TSHZ2: variants seen among roughly 807,000 people sequenced by gnomAD.
TSHZ2 encodes the protein teashirt zinc finger homeobox 2.
TSHZ2 carries 21 observed loss-of-function variants against 74.4 expected under a neutral mutation model. That is an observed-to-expected ratio of 0.28 (90% CI 0.20 to 0.41). TSHZ2 has a LOEUF of 0.41. Among genes scored for constraint, TSHZ2 ranks in the 10% least tolerant of loss-of-function variants. TSHZ2 has a pLI of 1.00. For missense variants in TSHZ2, 1,244 were observed against 1,293.5 expected (o/e 0.96, Z 0.59); for synonymous variants, 540 against 515.3 (o/e 1.05, Z -0.65).
intron 2 of TSHZ2, among the ~76,000 whole-genome samples, chr20:53,266,775 T>C (rs1353878881): frequency 1.6e-5 from 1 of 63,484 alleles, no homozygotes; most frequent in Non-Finnish European, 3.1e-5. Context: ...ATCGACGATT[T>C]TTTTTTTTTT....
At chr20:53,035,125 G>A (rs1489570745) in intron 1 of TSHZ2, among the ~76,000 whole-genome samples, 1 of 152,162 alleles carries the variant, frequency 6.6e-6, no homozygotes, top group African/African-American at 2.4e-5. Context: ...GCAGAGAGAA[G>A]GCACCTGGCC....
intron 2 of TSHZ2, among the ~76,000 whole-genome samples, chr20:53,411,521 A>T (rs927733468): frequency 6.1e-5 from 9 of 147,456 alleles, no homozygotes; most frequent in Non-Finnish European, 1.2e-4. Flanking sequence ...TCCTCACCTT[A>T]AAAAAAGTAA....
intron 1 of TSHZ2, among the ~76,000 whole-genome samples, chr20:53,233,576 T>C (rs751945001): frequency 5.3e-5 from 8 of 152,190 alleles, no homozygotes; most frequent in Non-Finnish European, 1.2e-4. Flanking sequence ...GCTTTACAGA[T>C]GAGGAAACTG....
chr20:53,403,086 G>T (rs1982726836), intron 2 of TSHZ2, among the ~76,000 whole-genome samples: 1 of 152,156 alleles, frequency 6.6e-6, no homozygotes, highest in Admixed American at 6.5e-5. Context: ...AGTTCCCAGT[G>T]TCTGTCATTC....
chr20:53,414,455 A>G (rs1340904455), intron 2 of TSHZ2, among the ~76,000 whole-genome samples: 2 of 152,040 alleles, frequency 1.3e-5, no homozygotes, highest in African/African-American at 4.8e-5. Flanking sequence ...CCCCATCTCT[A>G]CCAAAAAATA....
Position 53,256,344 on chromosome 20 carries a change from C to T in TSHZ2, c.2886C>T (p.Asp962=), listed in dbSNP as rs759108869. 10 of 1,613,526 alleles carry T rather than the reference C, an allele frequency of 6.2e-6. No homozygotes were observed. The South Asian group carries it at 1.1e-4, about 18-fold the overall frequency. ...QMKDMTRLSV[D]QQSKVEQEIS... ...AGGACATGACCCGCTTGTCAGTGGA[C>T]CAGCAAAGCAAGGTGGAGCAAGAGA... The change falls in exon 2 of 3, where the codon GAC becomes GAT. Residue 962 remains aspartate (D), a synonymous_variant. Coordinates refer to ENST00000371497, the MANE Select transcript of TSHZ2 (RefSeq NM_173485.6). This position sits in a 1 kb window ranked among gnomAD's most constrained non-coding sequence, Gnocchi z 4.3.
At chr20:53,179,320 C>T (rs372933240) in intron 1 of TSHZ2, 5 of 152,176 alleles carry the variant, frequency 3.3e-5, no homozygotes, top group East Asian at 3.8e-4. Context: ...ATTATCAAAC[C>T]TCTGTATGGG....
intron 1 of TSHZ2, among the ~76,000 whole-genome samples, chr20:53,123,124 C>T (rs916152247): frequency 6.6e-6 from 1 of 152,228 alleles, no homozygotes; most frequent in African/African-American, 2.4e-5. Flanking sequence ...ACCTCTCCAT[C>T]AGCTCTGTGC....
chr20:53,253,584 G>A lies in TSHZ2; in HGVS notation c.126G>A (p.Leu42=). ...EEEDSGSVAQ[L]QGGNDTGTDE... is the part of the protein sequence containing the mutation. The stretch of plus-strand genomic sequence containing the variant: ...AGGACAGCGGTTCAGTAGCTCAACT[G>A]CAGGGTGGCAATGACACAGGGACGG... Residue 42 remains leucine, a synonymous_variant, in exon 2 of 3, where the codon CTG becomes CTA. Coordinates refer to ENST00000371497, the MANE Select transcript of TSHZ2 (RefSeq NM_173485.6). The A allele has an allele frequency of 6.2e-7, 1 of 1,614,068 alleles. No individual in the cohort carries two copies. The highest frequency in any genetic ancestry group is 8.5e-7 in the Non-Finnish European group (1 of 1,179,986).
At chr20:53,124,732 A>G (rs1394205761) in intron 1 of TSHZ2, among the ~76,000 whole-genome samples, 2 of 152,244 alleles carry the variant, frequency 1.3e-5, no homozygotes, top group African/African-American at 2.4e-5. Flanking sequence ...TAAGATGTTG[A>G]TGATGCTACA....
At chr20:53,183,714 C>T (rs1449890292) in intron 1 of TSHZ2, among the ~76,000 whole-genome samples, 2 of 152,146 alleles carry the variant, frequency 1.3e-5, no homozygotes, top group African/African-American at 4.8e-5. Context: ...ATACTAGGGA[C>T]CTGATTTCCT....
At chr20:53,015,886 G>A (rs571797814) in intron 1 of TSHZ2, among the ~76,000 whole-genome samples, 1 of 152,300 alleles carries the variant, frequency 6.6e-6, no homozygotes, top group African/African-American at 2.4e-5. Flanking sequence ...GGGGCTGAAA[G>A]TAAGGGCAGC....
intron 1 of TSHZ2, among the ~76,000 whole-genome samples, chr20:52,975,520 G>A (rs576418593): frequency 2.9e-4 from 41 of 140,002 alleles, no homozygotes; most frequent in Admixed American, 1.8e-3. Flanking sequence ...TGGGTGTGTG[G>A]GGGTGTGTGT....
intron 1 of TSHZ2, among the ~76,000 whole-genome samples, chr20:53,173,534 G>C (rs1285841866): frequency 1.3e-5 from 2 of 152,170 alleles, no homozygotes; most frequent in Non-Finnish European, 2.9e-5. Flanking sequence ...CTTGAGCCCG[G>C]GGGGCAGAGG....
At position 53,200,241 on chromosome 20, in the gene TSHZ2, C is replaced by T. The variant is rs1020843950; in HGVS notation, c.41-53258C>T. 2.2e-4 allele frequency among the ~76,000 whole-genome samples: 33 copies of T among 152,160 alleles called. 1 individual carries two copies. The highest frequency in any genetic ancestry group is 2.0e-3 in the Admixed American group (30 of 15,270). On this transcript the variant is annotated intron_variant, in intron 1 of 2. Coordinates refer to ENST00000371497, the MANE Select transcript of TSHZ2 (RefSeq NM_173485.6). The stretch of plus-strand genomic sequence containing the variant: ...GGAACTTGCCATCTTGCCTCTCCTC[C>T]CTGCCACAGTGGCAATGTTCATGCA...
intron 1 of TSHZ2, among the ~76,000 whole-genome samples, chr20:53,216,099 C>T (rs972971016): frequency 6.6e-5 from 10 of 152,080 alleles, no homozygotes; most frequent in East Asian, 1.9e-4. Context: ...CAGAAAGGCA[C>T]GACCTTAGCT....
chr20:53,423,400 C>A (rs1983548471), intron 2 of TSHZ2, among the ~76,000 whole-genome samples: 1 of 151,984 alleles, frequency 6.6e-6, no homozygotes, highest in South Asian at 2.1e-4. Context: ...AACAAACAAA[C>A]AAAAAAGGCT....
At chr20:53,239,906 A>C (rs946994132) in intron 1 of TSHZ2, among the ~76,000 whole-genome samples, 3 of 152,184 alleles carry the variant, frequency 2.0e-5, no homozygotes, top group Admixed American at 6.5e-5. Flanking sequence ...CGGCTATACA[A>C]AACTATAAAA....
At chr20:53,294,134 C>T (rs867395448) in intron 2 of TSHZ2, among the ~76,000 whole-genome samples, 4 of 125,160 alleles carry the variant, frequency 3.2e-5, no homozygotes, top group African/African-American at 9.0e-5. Flanking sequence ...GTCATGAGCT[C>T]TTGTGAGCTA....
Sources: allele counts gnomAD v4.1 joint callset (sites outside exome capture counted in the v4.1 genomes callset), GRCh38; gene constraint gnomAD v4.1.1; non-coding constraint Gnocchi (gnomAD v3.1); transcripts MANE v1.5; gene names NCBI Gene and HGNC (gene_info 2026-07-23, HGNC 2026-07-21).